The following ZNF384 variants were observed in gnomAD, a reference collection of about 807,000 sequenced individuals.
ZNF384 encodes CAG repeat protein 1.
Under a neutral mutation model 65.0 loss-of-function variants are expected in ZNF384, and 20 were observed. That is an observed-to-expected ratio of 0.31 (90% CI 0.22 to 0.45). The LOEUF (loss-of-function observed/expected upper bound fraction) is 0.45. Ranked by LOEUF, ZNF384 falls within the 20% of genes least tolerant of loss-of-function variation. The pLI, the probability that ZNF384 is intolerant of heterozygous loss-of-function variation, is 1.00. For synonymous variants in ZNF384, 310 were observed against 303.9 expected (o/e 1.02, Z -0.21); for missense variants, 549 against 769.4 (o/e 0.71, Z 3.39).
In ZNF384 at chr12:6,678,813, G is replaced by A. The variant is rs1592395028; in HGVS notation, c.305-103C>T. On this transcript the variant is annotated intron_variant, in intron 4 of 11. Coordinates refer to ENST00000683879, the MANE Select transcript of ZNF384 (RefSeq NM_001385745.1). This position sits in a 1 kb window ranked among gnomAD's most constrained non-coding sequence, Gnocchi z 4.9. ...TGCCTAGCACATTGCTAGGCACACAGTAGGCACTTAATAAAAATTTGATTG... is the reference window on the plus strand; with the variant it reads ...TGCCTAGCACATTGCTAGGCACACAATAGGCACTTAATAAAAATTTGATTG... The A allele has an allele frequency of 5.4e-6, 8 of 1,472,062 alleles. No individual in the cohort carries two copies. In the East Asian group the frequency reaches 1.4e-4, roughly 25 times the overall value. The allele number at this position is 1,472,062 out of a possible 1,614,324, so 91.2% of individuals were successfully genotyped here.
intron 10 of ZNF384, 77 bp downstream of exon 10, chr12:6,670,683 C>T: frequency 1.4e-6 from 2 of 1,421,144 alleles, no homozygotes; most frequent in Admixed American, 1.7e-5. Flanking sequence ...GTCCTGAAAA[C>T]ATTTGAGAAC....
At chr12:6,685,588 C>A (rs1160332066) in intron 2 of ZNF384, among the ~76,000 whole-genome samples, 1 of 151,892 alleles carries the variant, frequency 6.6e-6, no homozygotes, top group Admixed American at 6.6e-5. Context: ...GCCTGGGCAA[C>A]ATGGTGAAAT....
intron 2 of ZNF384, among the ~76,000 whole-genome samples, chr12:6,685,756 G>A (rs182368762): frequency 1.0e-3 from 126 of 123,806 alleles, no homozygotes; most frequent in Non-Finnish European, 1.6e-3. Context: ...CAGCCTGGGC[G>A]ACAGAGCGAG....
intron 3 of ZNF384, 124 bp from the exon 4 acceptor site, chr12:6,679,307 G>T: frequency 8.2e-7 from 1 of 1,215,472 alleles, no homozygotes. Context: ...CATACCTCTG[G>T]CCTTCTAGAG....
rs372069968 is a variant in ZNF384, at chr12:6,672,577, G to T, written c.1005-45C>A. On this transcript the variant is annotated intron_variant, in intron 8 of 11. Transcript: ENST00000683879. This position sits in a 1 kb window ranked among gnomAD's most constrained non-coding sequence, Gnocchi z 4.4. ...GGAAGGGGGGAGGAGGAAGCAGTTC[G>T]ACACCAGGGGCTCAGCTCTCTGCTG... 69 of 1,579,170 alleles carry T rather than the reference G, an allele frequency of 4.4e-5. No homozygotes were observed. Among genetic ancestry groups the T allele is most frequent in the Non-Finnish European group, 5.1e-5 (59 of 1,154,054 alleles).
Position 6,667,710 on chromosome 12 carries a change from A to C in ZNF384, c.*4T>G, listed in dbSNP as rs754239625. The C allele has an allele frequency of 6.2e-7, 1 of 1,614,066 alleles. No homozygotes were observed. Among genetic ancestry groups the C allele is most frequent in the Non-Finnish European group, 8.5e-7 (1 of 1,180,028 alleles). ...CTCTTCCCAGTGGGTGGCAGCACGG[A>C]TCTCTAAGAGCTGGCCAGGTGCTCC... On this transcript the variant is annotated 3_prime_UTR_variant, in exon 12 of 12. Transcript: ENST00000683879.
At position 6,672,723 on chromosome 12, in the gene ZNF384, C is replaced by T. The variant is rs1187958915; in HGVS notation, c.1005-191G>A. 2.6e-5 allele frequency among the ~76,000 whole-genome samples: 4 copies of T among 152,130 alleles called. No individual in the cohort carries two copies. Among genetic ancestry groups the T allele is most frequent in the East Asian group, 1.9e-4 (1 of 5,206 alleles). ...ATCTAGGTTGTTGCTGATCGTAAGT[C>T]GGTGGCTAGAATGGCAGTGAGATGA... is the stretch of plus-strand genomic sequence containing the variant. On this transcript the variant is annotated intron_variant, in intron 8 of 11. Coordinates refer to ENST00000683879, the MANE Select transcript of ZNF384 (RefSeq NM_001385745.1). The surrounding 1 kb of genome is among the most constrained non-coding windows in gnomAD (Gnocchi z 4.4).
rs1289667705 is a variant in ZNF384 at position 6,672,813 on chromosome 12, TCTC to T, written c.1005-284_1005-282del. ...AGTCAATCTCATCAACCCTCCGCTT[TCTC>T]CTAAGGTTAACACACTCACCACAGA... On this transcript the variant is annotated intron_variant, in intron 8 of 11. Coordinates refer to ENST00000683879, the MANE Select transcript of ZNF384 (RefSeq NM_001385745.1). This position sits in a 1 kb window ranked among gnomAD's most constrained non-coding sequence, Gnocchi z 4.4. Among the ~76,000 whole-genome samples the T allele has an allele frequency of 9.2e-5, 14 of 152,180 alleles. No homozygotes were observed. In the East Asian group the frequency reaches 2.7e-3, roughly 29 times the overall value.
intron 10 of ZNF384, among the ~76,000 whole-genome samples, chr12:6,669,743 C>A (rs928559497): frequency 1.3e-5 from 2 of 152,086 alleles, no homozygotes; most frequent in Non-Finnish European, 2.9e-5. Flanking sequence ...CTCAGGTGAT[C>A]CGCCCGCCTC....
At chr12:6,668,838 G>A (rs1950465549) in intron 11 of ZNF384, among the ~76,000 whole-genome samples, 193 bp downstream of exon 11, 1 of 152,102 alleles carries the variant, frequency 6.6e-6, no homozygotes, top group South Asian at 2.1e-4. Flanking sequence ...CGTCTCTATA[G>A]GATTAGGAGA....
At chr12:6,679,870 A>C (rs1243987573) in intron 2 of ZNF384, among the ~76,000 whole-genome samples, 1 of 152,244 alleles carries the variant, frequency 6.6e-6, no homozygotes, top group East Asian at 1.9e-4. Flanking sequence ...GATGTAGCTA[A>C]GGTCACAAAA....
In ZNF384 at chr12:6,672,626, A is replaced by G. The variant is rs1217111500; in HGVS notation, c.1005-94T>C. On this transcript the variant is annotated intron_variant, in intron 8 of 11. Transcript: ENST00000683879. This position sits in a 1 kb window ranked among gnomAD's most constrained non-coding sequence, Gnocchi z 4.4. ...TGGGTGAAATGACGTTGCTTGACGG[A>G]TGAGAGCACCCCCTTCCTCCCTCCT... The G allele has an allele frequency of 2.1e-5, 27 of 1,266,332 alleles. No individual in the cohort carries two copies. The highest frequency in any genetic ancestry group is 2.9e-5 in the Non-Finnish European group (26 of 904,062). 78.4% of individuals were successfully genotyped at this position (1,266,332 alleles called of 1,614,324 possible).
In ZNF384 at chr12:6,677,253, T is replaced by C; in HGVS notation, c.693A>G (p.Glu231=). Residue 231 remains glutamate (E), a synonymous_variant, in exon 7 of 12, where the codon GAA becomes GAG. Coordinates refer to ENST00000683879, the MANE Select transcript of ZNF384 (RefSeq NM_001385745.1). ...GTCCATTTCCTGTGCCGCAGTTCCC[T>C]TCGCTCCTAAAATGGGAACAACATT... ...HQKDGKTYRS[E]GNCGTGNGQS... The C allele has an allele frequency of 7.6e-7, 1 of 1,312,360 alleles. No individual in the cohort carries two copies. The allele number at this position is 1,312,360 out of a possible 1,614,324, so 81.3% of individuals were successfully genotyped here. A position where few individuals can be genotyped will look rare whatever the true frequency, so the allele number is the denominator to read the frequency against.
rs141153087 is a variant in ZNF384, at chr12:6,684,404, A to G, written c.-6+3763T>C. 5.2e-3 allele frequency among the ~76,000 whole-genome samples: 798 copies of G among 152,362 alleles called. 4 individuals carry two copies. The highest frequency in any genetic ancestry group is 0.024 in the Middle Eastern group (7 of 294). The stretch of plus-strand genomic sequence containing the variant: ...AATGTTTTCAAAATTGAAGTTTTTG[A>G]TAACAGCAAAATGACATGCAGTTCA... On this transcript the variant is annotated intron_variant, in intron 2 of 11. Transcript: ENST00000683879.
In ZNF384 at chr12:6,687,332, G is replaced by A. The variant is rs192926735; in HGVS notation, c.-6+835C>T. 1.6e-3 allele frequency among the ~76,000 whole-genome samples: 238 copies of A among 152,250 alleles called. 3 individuals carry two copies. The highest frequency in any genetic ancestry group is 5.0e-4 in the Non-Finnish European group (34 of 68,026). ...GGACCACTTTACCCTGCATCCTGTG[G>A]GAGGGACGGCACGGTGGTTCTCCTT... On this transcript the variant is annotated intron_variant, in intron 2 of 11. Coordinates refer to ENST00000683879, the MANE Select transcript of ZNF384 (RefSeq NM_001385745.1).
At chr12:6,680,301 A>G (rs763012642) in intron 2 of ZNF384, among the ~76,000 whole-genome samples, 2 of 152,114 alleles carry the variant, frequency 1.3e-5, no homozygotes, top group African/African-American at 2.4e-5. Context: ...ATATGTCTAC[A>G]GTTCTGTGTA....
intron 2 of ZNF384, among the ~76,000 whole-genome samples, chr12:6,687,651 TC>T (rs1004602164): frequency 1.3e-5 from 2 of 152,094 alleles, no homozygotes; most frequent in Non-Finnish European, 2.9e-5. Context: ...GTTTTTTTTT[TC>T]CCCTGAAAAT....
chr12:6,669,911 G>A (rs756150440), intron 10 of ZNF384, among the ~76,000 whole-genome samples: 1 of 152,012 alleles, frequency 6.6e-6, no homozygotes, highest in South Asian at 2.1e-4. Flanking sequence ...GACCCAGCGA[G>A]CCTCTGTCTC....
Position 6,679,196 on chromosome 12 carries a change from G to T in ZNF384, c.67-13C>A. 6.4e-7 allele frequency: 1 copy of T among 1,558,472 alleles called. No individual in the cohort carries two copies. The highest frequency in any genetic ancestry group is 1.2e-5 in the South Asian group (1 of 82,102). On this transcript the variant is annotated splice_polypyrimidine_tract_variant and intron_variant, in intron 3 of 11. Transcript: ENST00000683879. ...TTGTGTTCTCGATCTAAGAGAAAAG[G>T]AAGGGGACGGGAGCACCCTCTTCAG...
Sources: allele counts gnomAD v4.1 joint callset (sites outside exome capture counted in the v4.1 genomes callset), GRCh38; gene constraint gnomAD v4.1.1; non-coding constraint Gnocchi (gnomAD v3.1); transcripts MANE v1.5; gene names NCBI Gene and HGNC (gene_info 2026-07-23, HGNC 2026-07-21).